MME: variants seen among roughly 807,000 people sequenced by gnomAD.
The protein encoded by MME is neprilysin.
Under a neutral mutation model 113.2 loss-of-function variants are expected in MME, and 98 were observed. The ratio of observed to expected loss-of-function variants is 0.87; its 90% confidence interval spans 0.74 to 1.02. MME has a LOEUF of 1.02. Among genes scored for constraint, MME ranks in the 50% least tolerant of loss-of-function variants. The pLI is 0.00. For missense variants in MME, 836 were observed against 896.0 expected (o/e 0.93, Z 0.86); for synonymous variants, 292 against 300.6 (o/e 0.97, Z 0.30).
chr3:155,133,870 T>C (rs1720407602), intron 8 of MME, among the ~76,000 whole-genome samples: 1 of 149,420 alleles, frequency 6.7e-6, no homozygotes, highest in African/African-American at 2.4e-5. Context: ...AAATTCGAAC[T>C]ACCATTTTGT....
chr3:155,085,112 C>A lies in MME; in HGVS notation c.196+18C>A, dbSNP rs143147554. Reference sequence around the variant, plus strand: ...AAAATCAGGTAAGAAATGGTTTTTACGTGTAATAGTTATACAACTGATGTA... The same window carrying A: ...AAAATCAGGTAAGAAATGGTTTTTAAGTGTAATAGTTATACAACTGATGTA... On this transcript the variant is annotated intron_variant, in intron 3 of 22. Coordinates refer to ENST00000360490, the MANE Select transcript of MME (RefSeq NM_007289.4). 13 of 1,522,214 alleles carry A rather than the reference C, an allele frequency of 8.5e-6. No homozygotes were observed. Among genetic ancestry groups the A allele is most frequent in the Middle Eastern group, 1.8e-4 (1 of 5,702 alleles). The allele number at this position is 1,522,214 out of a possible 1,614,324, so 94.3% of individuals were successfully genotyped here.
chr3:155,029,599 G>A (rs1415338600), intron 1 of MME, among the ~76,000 whole-genome samples: 3 of 151,750 alleles, frequency 2.0e-5, no homozygotes, highest in African/African-American at 7.3e-5. Context: ...AAAATGAACA[G>A]TTTTAGGACC....
intron 1 of MME, among the ~76,000 whole-genome samples, chr3:155,053,345 T>C (rs1448020914): frequency 3.3e-5 from 5 of 152,186 alleles, no homozygotes; most frequent in Admixed American, 6.5e-5. Flanking sequence ...AGAGGTTTAA[T>C]TGACACAGTT....
intron 16 of MME, among the ~76,000 whole-genome samples, chr3:155,152,712 G>A (rs1339741927): frequency 6.6e-6 from 1 of 152,052 alleles, no homozygotes; most frequent in Non-Finnish European, 1.5e-5. Flanking sequence ...ATGGTGCCAT[G>A]CAGCTGTAAT....
intron 8 of MME, among the ~76,000 whole-genome samples, chr3:155,127,678 G>C (rs1576619753): frequency 1.3e-5 from 2 of 152,154 alleles, no homozygotes; most frequent in African/African-American, 2.4e-5. Flanking sequence ...CTGTATTTGT[G>C]ATCAAATAAC....
intron 1 of MME, among the ~76,000 whole-genome samples, chr3:155,039,804 C>A (rs111461373): frequency 3.3e-5 from 5 of 151,842 alleles, no homozygotes; most frequent in Non-Finnish European, 7.4e-5. Context: ...TTTTTCTTCC[C>A]AGTTTCATTA....
chr3:155,076,780 C>G (rs1036637508), upstream of MME, among the ~76,000 whole-genome samples: 1 of 152,072 alleles, frequency 6.6e-6, no homozygotes, highest in African/African-American at 2.4e-5. Flanking sequence ...AACTGAGGGT[C>G]CCTCCCCTTT....
chr3:155,091,011 G>T (rs537125270), intron 3 of MME, among the ~76,000 whole-genome samples: 11 of 152,314 alleles, frequency 7.2e-5, no homozygotes, highest in African/African-American at 2.6e-4. Context: ...AGGACTGATG[G>T]CTAACTCATG....
chr3:155,172,545 G>A lies in MME; in HGVS notation c.2086G>A (p.Gly696Arg). 1 of 1,611,692 alleles carries A rather than the reference G, an allele frequency of 6.2e-7. No individual in the cohort carries two copies. Among genetic ancestry groups the A allele is most frequent in the Non-Finnish European group, 8.5e-7 (1 of 1,178,044 alleles). Residue 696 changes from glycine to arginine, a missense_variant, in exon 22 of 23, where the codon GGA becomes AGA. By Grantham distance (125) the Gly-to-Arg change is moderately radical (BLOSUM62 -2). Coordinates refer to ENST00000360490, the MANE Select transcript of MME (RefSeq NM_007289.4). The part of the protein sequence containing the change: ...FFLNFAQVWC[G>R]TYRPEYAVNS... ...CTATTCCTATCTCTAGGTGTGGTGT[G>A]GAACCTATAGGCCAGAGTATGCGGT...
intron 3 of MME, among the ~76,000 whole-genome samples, chr3:155,088,841 C>T (rs1030200185): frequency 1.3e-5 from 2 of 152,162 alleles, no homozygotes; most frequent in Admixed American, 1.3e-4. Context: ...AGTATTGACA[C>T]TCAGGGTGCT....
At chr3:155,078,984 CTT>C (rs1168945228), upstream of MME, among the ~76,000 whole-genome samples, 1 of 152,100 alleles carries the variant, frequency 6.6e-6, no homozygotes, top group African/African-American at 2.4e-5. Context: ...AGCAGACACA[CTT>C]TAGTTTATTT....
chr3:155,027,336 G>C (rs929956867), intron 1 of MME, among the ~76,000 whole-genome samples: 2 of 152,138 alleles, frequency 1.3e-5, no homozygotes, highest in African/African-American at 4.8e-5. Flanking sequence ...ATGCAGATCT[G>C]ATCTTACACT....
chr3:155,139,263 G>A (rs1294730500), intron 9 of MME, among the ~76,000 whole-genome samples: 1 of 152,104 alleles, frequency 6.6e-6, no homozygotes, highest in Non-Finnish European at 1.5e-5. Flanking sequence ...GCTCTGTAGT[G>A]TTGTGTCTTA....
Position 155,177,889 on chromosome 3 carries a change from A to G in MME, c.2154-2471A>G, listed in dbSNP as rs540015509. ...AGAGAATAGCCTCCATCTTCAGCCC[A>G]CCGTGGTCACTGCTGAGATCCCTAC... On this transcript the variant is annotated intron_variant, in intron 22 of 22. Transcript: ENST00000360490. 2.0e-5 allele frequency among the ~76,000 whole-genome samples: 3 copies of G among 152,230 alleles called. No individual in the cohort carries two copies. The South Asian group carries it at 6.2e-4, about 32-fold the overall frequency.
At chr3:155,077,655 T>G (rs1384426331), upstream of MME, among the ~76,000 whole-genome samples, 1 of 151,954 alleles carries the variant, frequency 6.6e-6, no homozygotes. Context: ...GCTGAAGGAT[T>G]GCTTGAGCCC....
At chr3:155,142,193 A>G in intron 11 of MME, 44 bp from the exon 12 acceptor site, 2 of 1,612,904 alleles carry the variant, frequency 1.2e-6, no homozygotes, top group African/African-American at 2.7e-5. Flanking sequence ...GAAGCTTTGC[A>G]GCCTCATCTT....
chr3:155,075,523 T>G (rs1714717012), upstream of MME, among the ~76,000 whole-genome samples: 1 of 152,220 alleles, frequency 6.6e-6, no homozygotes, highest in Admixed American at 6.5e-5. Flanking sequence ...TAGATTGACT[T>G]ATGTTTAATT....
chr3:155,062,677 A>G (rs1714187420), intron 1 of MME, among the ~76,000 whole-genome samples: 1 of 152,148 alleles, frequency 6.6e-6, no homozygotes, highest in African/African-American at 2.4e-5. Context: ...TATTAGAAAT[A>G]TATTTTAAAA....
chr3:155,054,739 C>G (rs943177879), intron 1 of MME, among the ~76,000 whole-genome samples: 21 of 152,170 alleles, frequency 1.4e-4, no homozygotes, highest in South Asian at 2.1e-4. Flanking sequence ...ATTGCTTGAA[C>G]CCAGGAGGCG....
Sources: allele counts gnomAD v4.1 joint callset (sites outside exome capture counted in the v4.1 genomes callset), GRCh38; gene constraint gnomAD v4.1.1; transcripts MANE v1.5; gene names NCBI Gene and HGNC (gene_info 2026-07-23, HGNC 2026-07-21).